The following MTA1 variants were observed in gnomAD, a reference collection of about 807,000 sequenced individuals.
MTA1 encodes the protein metastasis associated 1, also known as metastasis-associated protein MTA1.
In MTA1, 15 loss-of-function variants were observed where a neutral mutation model predicts 97.0. That is an observed-to-expected ratio of 0.15 (90% CI 0.10 to 0.24). The LOEUF is 0.24. Among genes scored for constraint, MTA1 ranks in the 10% least tolerant of loss-of-function variants. The pLI is 1.00. For synonymous variants in MTA1, 435 were observed against 417.5 expected (o/e 1.04, Z -0.51); for missense variants, 709 against 1,015.1 (o/e 0.70, Z 4.10).
intron 10 of MTA1, among the ~76,000 whole-genome samples, chr14:105,462,620 C>G (rs2083400568): frequency 6.6e-6 from 1 of 151,176 alleles, no homozygotes. Context: ...TGCCTATAAT[C>G]CCATTTGGGA....
chr14:105,426,025 C>T (rs1007811236), intron 1 of MTA1, among the ~76,000 whole-genome samples: 14 of 152,242 alleles, frequency 9.2e-5, no homozygotes, highest in Non-Finnish European at 1.8e-4. Flanking sequence ...TCCGGCCTGG[C>T]GTGGGCTTTG....
chr14:105,428,015 C>CAAAA (rs11421824), intron 1 of MTA1, among the ~76,000 whole-genome samples: 3,224 of 109,478 alleles, frequency 0.029, 226 homozygotes, highest in African/African-American at 0.12. Flanking sequence ...GAGACTCTCT[C>CAAAA]AAAAAAAAAA....
intron 1 of MTA1, among the ~76,000 whole-genome samples, chr14:105,432,516 G>A (rs778953449): frequency 4.1e-4 from 63 of 152,334 alleles, no homozygotes; most frequent in Non-Finnish European, 6.0e-4. Context: ...TGGGATTACA[G>A]GCGTGAGCCA....
intron 18 of MTA1, chr14:105,467,253 C>T (rs1389750198): frequency 4.9e-5 from 18 of 369,622 alleles, no homozygotes; most frequent in Admixed American, 9.9e-5. Flanking sequence ...CCCCAGGCCC[C>T]TTGGGGAAGA....
intron 7 of MTA1, among the ~76,000 whole-genome samples, chr14:105,457,666 C>T (rs935538052): frequency 6.6e-6 from 1 of 152,264 alleles, no homozygotes; most frequent in African/African-American, 2.4e-5. Flanking sequence ...TGGCTCACGC[C>T]TATGATCCCA....
In MTA1 at chr14:105,470,312, CA is replaced by C. The variant is rs2083789052; in HGVS notation, c.*98del. The stretch of plus-strand genomic sequence containing the variant: ...CCCGCCCCTCAGTTTGGTAGTGCCC[CA>C]CCTCCCGCCCTCACCTGCAGAGAAA... On this transcript the variant is annotated 3_prime_UTR_variant, in exon 21 of 21. Coordinates refer to ENST00000331320, the MANE Select transcript of MTA1 (RefSeq NM_004689.4). 1 of 1,076,360 alleles carries C rather than the reference CA, an allele frequency of 9.3e-7. No homozygotes were observed. Among genetic ancestry groups the C allele is most frequent in the Non-Finnish European group, 1.2e-6 (1 of 806,030 alleles). The allele number at this position is 1,076,360 out of a possible 1,614,324, so 66.7% of individuals were successfully genotyped here.
At chr14:105,470,040 C>A in intron 20 of MTA1, 25 bp from the exon 21 acceptor site, 2 of 1,612,616 alleles carry the variant, frequency 1.2e-6, no homozygotes, top group Non-Finnish European at 1.7e-6. Context: ...AGCGTCCCGG[C>A]CCTCACCACC....
chr14:105,442,116 A>G (rs1252995142), intron 2 of MTA1, among the ~76,000 whole-genome samples: 4 of 152,248 alleles, frequency 2.6e-5, no homozygotes, highest in African/African-American at 9.6e-5. Flanking sequence ...AAAGCAATAA[A>G]GAGGGGCCCC....
chr14:105,440,020 C>T (rs141038722), intron 2 of MTA1, among the ~76,000 whole-genome samples: 34 of 152,316 alleles, frequency 2.2e-4, no homozygotes, highest in African/African-American at 7.7e-4. Flanking sequence ...CGGTATCTGC[C>T]ACCACCTGGG....
At chr14:105,465,351 A>G in intron 16 of MTA1, 168 bp downstream of exon 16, 1 of 484,238 alleles carries the variant, frequency 2.1e-6, no homozygotes, top group East Asian at 3.5e-5. Context: ...AGGCTCAGGC[A>G]GACCCACTGG....
intron 2 of MTA1, among the ~76,000 whole-genome samples, chr14:105,444,996 G>T (rs2082667479): frequency 6.6e-6 from 1 of 152,152 alleles, no homozygotes; most frequent in South Asian, 2.1e-4. Context: ...CCCATGCGGG[G>T]GGTCCAGGCT....
chr14:105,430,896 A>G (rs1459492297), intron 1 of MTA1, among the ~76,000 whole-genome samples: 1 of 152,178 alleles, frequency 6.6e-6, no homozygotes, highest in African/African-American at 2.4e-5. Context: ...CGGCCGCACT[A>G]ATGGGAGGGA....
intron 2 of MTA1, among the ~76,000 whole-genome samples, chr14:105,440,798 A>C (rs1337726561): frequency 6.6e-6 from 1 of 152,224 alleles, no homozygotes; most frequent in Non-Finnish European, 1.5e-5. Flanking sequence ...CAGGCCTGCG[A>C]CAGAGTGCGG....
intron 2 of MTA1, among the ~76,000 whole-genome samples, chr14:105,445,016 G>C (rs1406728290): frequency 6.6e-6 from 1 of 152,172 alleles, no homozygotes; most frequent in Non-Finnish European, 1.5e-5. Context: ...TGCGTCCGCC[G>C]CTAGGGCCGT....
At chr14:105,465,459 C>T (rs1030331897) in intron 16 of MTA1, 2 of 302,412 alleles carry the variant, frequency 6.6e-6, no homozygotes, top group Non-Finnish European at 6.1e-6. Flanking sequence ...AAGGCACACC[C>T]GGGGGCTTCC....
chr14:105,467,674 T>G (rs1319102410), intron 18 of MTA1: 1 of 360,350 alleles, frequency 2.8e-6, no homozygotes, highest in Non-Finnish European at 5.5e-6. Context: ...AGCCCTCCTT[T>G]CCTGGGGCAC....
At chr14:105,467,287 G>C (rs782405719) in intron 18 of MTA1, 2 of 402,776 alleles carry the variant, frequency 5.0e-6, no homozygotes, top group Non-Finnish European at 1.0e-5. Context: ...AGCCTAGCAT[G>C]AGGAGGCCAG....
At chr14:105,461,079 C>CA in intron 10 of MTA1, 126 bp downstream of exon 10, 1 of 1,012,006 alleles carries the variant, frequency 9.9e-7, no homozygotes, top group Non-Finnish European at 1.4e-6. Flanking sequence ...ATTCCCTGTG[C>CA]GGAGCTGCAT....
chr14:105,465,158 G>A lies in MTA1; in HGVS notation c.1599G>A (p.Pro533=), dbSNP rs587625577. ...PLVLKQAVRK[P]LEAVLRYLET... is the part of the protein sequence containing the mutation. ...TGCTGAAGCAGGCGGTACGCAAGCCGCTGGAAGCCGTGCTTCGGTATCTTG... is the reference window on the plus strand; with the variant it reads ...TGCTGAAGCAGGCGGTACGCAAGCCACTGGAAGCCGTGCTTCGGTATCTTG... Residue 533 remains proline (P), a synonymous_variant, in exon 16 of 21, where the codon CCG becomes CCA. Transcript: ENST00000331320. The A allele has an allele frequency of 9.2e-6, 14 of 1,521,576 alleles. No homozygotes were observed. Among genetic ancestry groups the A allele is most frequent in the African/African-American group, 2.8e-5 (2 of 72,636 alleles). 94.3% of individuals were successfully genotyped at this position (1,521,576 alleles called of 1,614,324 possible).
Sources: gnomAD v4.1 joint callset for allele counts (sites outside exome capture counted in the v4.1 genomes callset) on GRCh38, gnomAD v4.1.1 for gene constraint, MANE v1.5 for transcripts, NCBI Gene and HGNC (gene_info 2026-07-23, HGNC 2026-07-21) for gene names.